Variants in MECR observed in about 807,000 individuals in gnomAD.
MECR encodes the protein enoyl-[acyl-carrier-protein] reductase, mitochondrial.
Under a neutral mutation model 49.1 loss-of-function variants are expected in MECR, and 37 were observed. The ratio of observed to expected loss-of-function variants is 0.75; its 90% CI spans 0.58 to 0.99. The LOEUF (loss-of-function observed/expected upper bound fraction) is 0.99. Ranked by LOEUF, MECR falls within the 50% of genes least tolerant of loss-of-function variation. The pLI is 0.00. For missense variants in MECR, 470 were observed against 479.6 expected, an observed-to-expected ratio of 0.98 and a Z score of 0.19; for synonymous variants, 198 against 191.1, an observed-to-expected ratio of 1.04 and a Z score of -0.30.
chr1:29,230,706 C>A, intron 1 of MECR, 25 bp downstream of exon 1: 1 of 1,556,704 alleles, frequency 6.4e-7, no homozygotes, highest in Non-Finnish European at 8.7e-7. Flanking sequence ...CAGTCCCCTT[C>A]CCCGGCTTCG....
At chr1:29,188,444 T>C (rs188292380), downstream of MECR, among the ~76,000 whole-genome samples, 24 of 152,198 alleles carry the variant, frequency 1.6e-4, 1 homozygote, top group Middle Eastern at 0.017. Flanking sequence ...CCTGAGGCTA[T>C]CTGCCTGCCT....
chr1:29,214,774 C>G (rs948043294), intron 3 of MECR, among the ~76,000 whole-genome samples: 2 of 152,190 alleles, frequency 1.3e-5, no homozygotes, highest in Non-Finnish European at 2.9e-5. Context: ...TGGGCACTCT[C>G]ATTTTGCTGT....
At chr1:29,215,176 C>T (rs1558476196) in intron 3 of MECR, among the ~76,000 whole-genome samples, 2 of 152,168 alleles carry the variant, frequency 1.3e-5, no homozygotes, top group South Asian at 2.1e-4. Flanking sequence ...CATATGCAAA[C>T]CCTCTGCTGA....
intron 7 of MECR, among the ~76,000 whole-genome samples, chr1:29,198,328 T>G (rs769191654): frequency 4.6e-5 from 7 of 152,212 alleles, no homozygotes; most frequent in Non-Finnish European, 7.3e-5. Flanking sequence ...AACCCCCATT[T>G]TACAGATGAA....
chr1:29,223,269 C>G (rs1197549550), intron 1 of MECR: 1 of 985,220 alleles, frequency 1.0e-6, no homozygotes, highest in East Asian at 1.1e-4. Flanking sequence ...ACCTGTGATG[C>G]CATATGAAGT....
downstream of MECR, among the ~76,000 whole-genome samples, chr1:29,190,492 A>C (rs556452663): frequency 1.8e-4 from 27 of 151,914 alleles, no homozygotes; most frequent in African/African-American, 6.0e-4. Flanking sequence ...CAGGCCTGCT[A>C]TATTTTAAAG....
chr1:29,181,461 C>G, the MECR span, among the ~76,000 whole-genome samples: 4 of 152,218 alleles, frequency 2.6e-5, no homozygotes, highest in Non-Finnish European at 4.4e-5. Flanking sequence ...CCACCACCCC[C>G]ACCCGCGCAG....
chr1:29,175,694 C>CAA, the MECR span, among the ~76,000 whole-genome samples: 13,760 of 38,426 alleles, frequency 0.36, 4,431 homozygotes, highest in Non-Finnish European at 0.42. Flanking sequence ...GACGCTGTCT[C>CAA]AAAAAAAAAA....
chr1:29,230,867 C>CGGG lies in MECR; in HGVS notation c.37_39dup (p.Pro13dup). On this transcript the variant is annotated inframe_insertion, in exon 1 of 10. Coordinates refer to ENST00000263702, the MANE Select transcript of MECR (RefSeq NM_016011.5). ...GGGAGCAGCCCCCGCCACTGCCGGG[C>CGGG]GGGGGTTCGCACCCGCCACAGGGTA... 1 of 1,596,230 alleles carries CGGG rather than the reference C, an allele frequency of 6.3e-7. No individual in the cohort carries two copies. The highest frequency in any genetic ancestry group is 8.5e-7 in the Non-Finnish European group (1 of 1,171,122).
At chr1:29,190,386 T>C (rs1477262868), downstream of MECR, among the ~76,000 whole-genome samples, 1 of 149,622 alleles carries the variant, frequency 6.7e-6, no homozygotes, top group Non-Finnish European at 1.5e-5. Flanking sequence ...AAAAAAACCG[T>C]AGTCAAAGAT....
At chr1:29,218,859 A>G (rs540895620) in intron 1 of MECR, among the ~76,000 whole-genome samples, 1 of 152,332 alleles carries the variant, frequency 6.6e-6, no homozygotes, top group East Asian at 1.9e-4. Context: ...AGTCAGGCAC[A>G]CTGCTAAGTG....
chr1:29,215,938 T>G, intron 3 of MECR, 67 bp downstream of exon 3: 1 of 1,587,406 alleles, frequency 6.3e-7, no homozygotes. Flanking sequence ...AATCAGTGGA[T>G]GCCGACAGAG....
chr1:29,177,892 G>GTTTTTT, the MECR span, among the ~76,000 whole-genome samples: 1 of 121,556 alleles, frequency 8.2e-6, no homozygotes, highest in African/African-American at 3.3e-5. Flanking sequence ...TATTACACAA[G>GTTTTTT]ATTTTTTTTT....
intron 1 of MECR, chr1:29,223,984 C>A (rs1681425175): frequency 6.6e-6 from 1 of 152,158 alleles, no homozygotes; most frequent in Non-Finnish European, 1.5e-5. Flanking sequence ...CCATTCAGGA[C>A]TCATTTTTTG....
chr1:29,195,709 C>A (rs141657959), intron 9 of MECR, among the ~76,000 whole-genome samples: 1 of 152,344 alleles, frequency 6.6e-6, no homozygotes, highest in East Asian at 1.9e-4. Flanking sequence ...TCCCCACTGT[C>A]AGCTCTTCAG....
chr1:29,201,993 C>A lies in MECR; in HGVS notation c.706G>T (p.Val236Phe). The A allele has an allele frequency of 6.2e-7, 1 of 1,614,188 alleles. No individual in the cohort carries two copies. Among genetic ancestry groups the A allele is most frequent in the Non-Finnish European group, 8.5e-7 (1 of 1,180,040 alleles). The stretch of plus-strand genomic sequence containing the variant: ...CTTCTTAGCTCCTCTTCTGTGATGA[C>A]ATGCTCAGCCCCCAGACTCTTCAGT... ...DRLKSLGAEH[V>F]ITEEELRRPE... Residue 236 changes from valine (V) to phenylalanine (F), a missense_variant, in exon 6 of 10, where the codon GTC (valine) becomes TTC (phenylalanine). Transcript: ENST00000263702. This position sits in a 1 kb window ranked among gnomAD's most constrained non-coding sequence, Gnocchi z 4.3.
chr1:29,230,526 A>G (rs1683160753), intron 1 of MECR: 1 of 583,086 alleles, frequency 1.7e-6, no homozygotes, highest in African/African-American at 1.9e-5. Context: ...ATCAGCCATT[A>G]ATACCCTGAT....
chr1:29,196,130 C>G, intron 8 of MECR, 68 bp downstream of exon 8: 3 of 1,604,106 alleles, frequency 1.9e-6, no homozygotes, highest in Non-Finnish European at 2.6e-6. Context: ...GCTGTCGTGC[C>G]AGGGGATGTG....
At chr1:29,204,044 C>T (rs2151864767) in intron 4 of MECR, among the ~76,000 whole-genome samples, 1 of 152,270 alleles carries the variant, frequency 6.6e-6, no homozygotes, top group African/African-American at 2.4e-5. Context: ...TGTAACTAAA[C>T]AGACAGGGCA....
Sources: gnomAD v4.1 joint callset for allele counts (sites outside exome capture counted in the v4.1 genomes callset) on GRCh38, gnomAD v4.1.1 for gene constraint, Gnocchi (gnomAD v3.1) non-coding constraint, MANE v1.5 for transcripts, NCBI Gene and HGNC (gene_info 2026-07-23, HGNC 2026-07-21) for gene names.